CD47: variants seen among roughly 807,000 people sequenced by gnomAD.
CD47 encodes CD47 molecule.
A neutral mutation model predicts 44.6 loss-of-function variants in CD47; 11 were observed. The ratio of observed to expected loss-of-function variants is 0.25; its 90% CI spans 0.16 to 0.41. CD47 has a LOEUF of 0.41. Ranked by LOEUF, CD47 falls within the 10% of genes least tolerant of loss-of-function variation. The pLI is 1.00. For missense variants in CD47, 306 were observed against 386.7 expected, an observed-to-expected ratio of 0.79 and a Z score of 1.75; for synonymous variants, 140 against 136.3, an observed-to-expected ratio of 1.03 and a Z score of -0.19.
intron 4 of CD47, 68 bp downstream of exon 4, chr3:108,060,677 C>T (rs2108235989): frequency 2.9e-6 from 3 of 1,017,880 alleles, no homozygotes; most frequent in Non-Finnish European, 3.1e-6. Flanking sequence ...GAAACTAATG[C>T]AGCCCTCCTC....
chr3:108,073,441 G>A (rs1029236247), intron 2 of CD47, among the ~76,000 whole-genome samples: 1 of 152,162 alleles, frequency 6.6e-6, no homozygotes, highest in Non-Finnish European at 1.5e-5. Context: ...GACCCTGAGT[G>A]TGCAGAGTGG....
At chr3:108,087,026 A>G (rs2079534864) in intron 1 of CD47, among the ~76,000 whole-genome samples, 1 of 152,180 alleles carries the variant, frequency 6.6e-6, no homozygotes, top group Admixed American at 6.5e-5. Context: ...AGTCCAAACC[A>G]CACACCACTA....
chr3:108,071,562 G>C (rs915175435), intron 2 of CD47, among the ~76,000 whole-genome samples: 2 of 152,140 alleles, frequency 1.3e-5, no homozygotes, highest in Non-Finnish European at 2.9e-5. Context: ...TTGTTCTTTG[G>C]TGTCCTCAAC....
intron 9 of CD47, among the ~76,000 whole-genome samples, chr3:108,050,057 C>G (rs185798996): frequency 1.6e-3 from 243 of 152,218 alleles, no homozygotes; most frequent in African/African-American, 5.4e-3. Context: ...TAAGCAGCTA[C>G]TTAGACACAG....
intron 7 of CD47, chr3:108,054,218 A>AAAAAC (rs533805421): frequency 1.8e-4 from 27 of 152,222 alleles, no homozygotes; most frequent in Non-Finnish European, 2.8e-4. Flanking sequence ...CCCTGTCTCT[A>AAAAAC]AAAACAAAAC....
chr3:108,090,198 G>A (rs567169844), intron 1 of CD47, among the ~76,000 whole-genome samples: 4 of 152,060 alleles, frequency 2.6e-5, no homozygotes, highest in Non-Finnish European at 4.4e-5. Context: ...GGGGCGTGAG[G>A]GTCACGAGAA....
intron 6 of CD47, among the ~76,000 whole-genome samples, chr3:108,058,014 A>T (rs1329908586): frequency 6.6e-6 from 1 of 152,236 alleles, no homozygotes; most frequent in African/African-American, 2.4e-5. Flanking sequence ...ATGAATGAAC[A>T]AAAACTCTTA....
In CD47 at chr3:108,080,167, G is replaced by T. The variant is rs749009086; in HGVS notation, c.224C>A (p.Ser75Tyr). 6.2e-7 allele frequency: 1 copy of T among 1,613,112 alleles called. No homozygotes were observed. The highest frequency in any genetic ancestry group is 1.1e-5 in the South Asian group (1 of 91,058). ...ACTACTAAAGTCAGTGGGGACAGTG[G>T]ACTTGTTTAGAGCTCCATCAAAGGT... ...IYTFDGALNK[S>Y]TVPTDFSSAK... is the part of the protein sequence containing the mutation. Residue 75 changes from serine to tyrosine, a missense_variant, in exon 2 of 11, where the codon TCC becomes TAC. Transcript: ENST00000361309.
chr3:108,078,233 A>C (rs1459523751), intron 2 of CD47, among the ~76,000 whole-genome samples: 1 of 152,128 alleles, frequency 6.6e-6, no homozygotes, highest in East Asian at 1.9e-4. Context: ...CTCTATAATA[A>C]AACAATACTT....
At chr3:108,060,896 T>C in intron 3 of CD47, 44 bp from the exon 4 acceptor site, 1 of 1,281,016 alleles carries the variant, frequency 7.8e-7, no homozygotes, top group Non-Finnish European at 1.1e-6. Flanking sequence ...CAATCACAAG[T>C]GAAGCCATTT....
At chr3:108,055,626 C>T (rs1156286888) in intron 7 of CD47, 10 of 958,930 alleles carry the variant, frequency 1.0e-5, no homozygotes, top group Admixed American at 7.1e-5. Context: ...AAAATTAGGA[C>T]ACTATCAATA....
In CD47 at chr3:108,043,584, C is replaced by A. The variant is rs549791086; in HGVS notation, c.*3704G>T. On this transcript the variant is annotated 3_prime_UTR_variant, in exon 11 of 11. Transcript: ENST00000361309. ...AGAGAGGATCTTGCACATAGCAACACTGGAGTTCTCTTTATTTAGAATGGT... is the reference window on the plus strand; with the variant it reads ...AGAGAGGATCTTGCACATAGCAACAATGGAGTTCTCTTTATTTAGAATGGT... 1 of 152,696 alleles carries A rather than the reference C, an allele frequency of 6.5e-6. No individual in the cohort carries two copies. Among genetic ancestry groups the A allele is most frequent in the African/African-American group, 2.4e-5 (1 of 41,542 alleles). 9.5% of individuals were successfully genotyped at this position (152,696 alleles called of 1,614,324 possible). A position where few individuals can be genotyped will look rare whatever the true frequency, so the allele number is the denominator to read the frequency against.
At position 108,090,929 on chromosome 3, in the gene CD47, C is replaced by A; in HGVS notation, c.-21G>T. On this transcript the variant is annotated 5_prime_UTR_variant, in exon 1 of 11. Transcript: ENST00000361309. Reference sequence around the variant, plus strand: ...CACATCTCCGCGCCCGCCGCGGGGTCGCCGCCGCCGCCGCAGGTGTCCGGA... The same window carrying A: ...CACATCTCCGCGCCCGCCGCGGGGTAGCCGCCGCCGCCGCAGGTGTCCGGA... 7.0e-7 allele frequency: 1 copy of A among 1,423,672 alleles called. No individual in the cohort carries two copies. The highest frequency in any genetic ancestry group is 9.3e-7 in the Non-Finnish European group (1 of 1,079,142). 88.2% of individuals were successfully genotyped at this position (1,423,672 alleles called of 1,614,324 possible).
intron 10 of CD47, 67 bp from the exon 11 acceptor site, chr3:108,047,359 C>A: frequency 7.6e-7 from 1 of 1,322,500 alleles, no homozygotes; most frequent in South Asian, 1.3e-5. Context: ...AAAAAGTTGA[C>A]ACATTAAAAA....
At chr3:108,085,078 A>G (rs1344510604) in intron 1 of CD47, among the ~76,000 whole-genome samples, 2 of 152,096 alleles carry the variant, frequency 1.3e-5, no homozygotes, top group Admixed American at 6.5e-5. Context: ...AGGTCCTTCA[A>G]GATCCTTTCC....
intron 8 of CD47, among the ~76,000 whole-genome samples, chr3:108,051,038 T>A (rs2078817727): frequency 6.6e-6 from 1 of 152,242 alleles, no homozygotes; most frequent in Non-Finnish European, 1.5e-5. Flanking sequence ...GTTAAGTTGC[T>A]GGCCTCTTGT....
In CD47 at chr3:108,046,617, C is replaced by T. The variant is rs575585377; in HGVS notation, c.*671G>A. 6.6e-6 allele frequency: 1 copy of T among 152,604 alleles called. No homozygotes were observed. Among genetic ancestry groups the T allele is most frequent in the Admixed American group, 6.5e-5 (1 of 15,294 alleles). 9.5% of individuals were successfully genotyped at this position (152,604 alleles called of 1,614,324 possible). On this transcript the variant is annotated 3_prime_UTR_variant, in exon 11 of 11. Transcript: ENST00000361309. Reference sequence around the variant, plus strand: ...GAAAACATATCCATCAATAAAAGTACCCTAAATCTGGGAAGGACCTGTTAC... The same window carrying T: ...GAAAACATATCCATCAATAAAAGTATCCTAAATCTGGGAAGGACCTGTTAC...
chr3:108,080,777 G>A (rs2079402810), intron 1 of CD47, among the ~76,000 whole-genome samples: 1 of 151,774 alleles, frequency 6.6e-6, no homozygotes, highest in Non-Finnish European at 1.5e-5. Flanking sequence ...TCAACACACT[G>A]CTAAATAGAA....
intron 10 of CD47, among the ~76,000 whole-genome samples, chr3:108,048,470 T>C (rs1298899656): frequency 1.1e-4 from 16 of 139,804 alleles, no homozygotes; most frequent in African/African-American, 3.9e-4. Flanking sequence ...CTGCAAGCTC[T>C]GCCTCCCGGG....
Sources: allele counts gnomAD v4.1 joint callset (sites outside exome capture counted in the v4.1 genomes callset), GRCh38; gene constraint gnomAD v4.1.1; transcripts MANE v1.5; gene names NCBI Gene and HGNC (gene_info 2026-07-23, HGNC 2026-07-21).